FHIT: variants seen among roughly 807,000 people sequenced by gnomAD.
FHIT encodes the protein fragile histidine triad diadenosine triphosphatase.
Under a neutral mutation model 17.9 loss-of-function variants are expected in FHIT, and 19 were observed. The ratio of observed to expected loss-of-function variants is 1.06; its 90% CI spans 0.74 to 1.56. FHIT has a LOEUF of 1.56. Ranked by LOEUF, FHIT falls within the 40% of genes most tolerant of loss-of-function variation. The probability of loss-of-function intolerance (pLI) is 0.00; values close to 1 mark genes in which losing one functional copy is unlikely to be tolerated. For missense variants in FHIT, 248 were observed against 189.2 expected, an observed-to-expected ratio of 1.31 and a Z score of -1.82; for synonymous variants, 81 against 69.7, an observed-to-expected ratio of 1.16 and a Z score of -0.81.
chr3:60,520,395 C>T (rs560593530), intron 5 of FHIT, among the ~76,000 whole-genome samples: 4 of 152,268 alleles, frequency 2.6e-5, no homozygotes, highest in African/African-American at 9.6e-5. Context: ...ATCAGAACTA[C>T]ATTAATGCTC....
At chr3:60,461,551 C>G (rs1255912489) in intron 5 of FHIT, among the ~76,000 whole-genome samples, 1 of 152,198 alleles carries the variant, frequency 6.6e-6, no homozygotes, top group Admixed American at 6.5e-5. Flanking sequence ...TATGCCGAAG[C>G]AGGATCTTCT....
At chr3:60,342,013 T>C (rs377036599) in intron 5 of FHIT, among the ~76,000 whole-genome samples, 3 of 152,248 alleles carry the variant, frequency 2.0e-5, no homozygotes, top group East Asian at 1.9e-4. Context: ...AAAAAAACTC[T>C]CAGCAAAGCA....
At chr3:60,300,359 A>C (rs1175890860) in intron 5 of FHIT, among the ~76,000 whole-genome samples, 2 of 152,160 alleles carry the variant, frequency 1.3e-5, no homozygotes, top group Admixed American at 1.3e-4. Flanking sequence ...ATAGTAAGAG[A>C]ATATTCACAG....
intron 5 of FHIT, among the ~76,000 whole-genome samples, chr3:60,192,119 T>G (rs1032383143): frequency 6.6e-6 from 1 of 151,450 alleles, no homozygotes; most frequent in African/African-American, 2.4e-5. Flanking sequence ...AGCATGGTGG[T>G]GGGTGCCTGT....
Position 60,025,469 on chromosome 3 carries a change from C to CTAAAG in FHIT, c.104-11318_104-11317insCTTTA, listed in dbSNP as rs1218289918. ...ACTTTGGCTTAGAATCTAATATACC[C>CTAAAG]AGTACTAAAGAGTAAGAAAAGAAGT... On this transcript the variant is annotated intron_variant, in intron 5 of 9. Transcript: ENST00000492590. Among the ~76,000 whole-genome samples, 259 of 152,218 alleles carry CTAAAG rather than the reference C, an allele frequency of 1.7e-3. 1 individual carries two copies. The Middle Eastern group carries it at 0.02, about 12-fold the overall frequency.
intron 5 of FHIT, among the ~76,000 whole-genome samples, chr3:60,508,742 G>C (rs2034832484): frequency 6.6e-6 from 1 of 152,072 alleles, no homozygotes; most frequent in Admixed American, 6.6e-5. Flanking sequence ...TGTATATTAT[G>C]AGGGTGTTTT....
At chr3:60,858,501 A>C (rs545098990) in intron 3 of FHIT, among the ~76,000 whole-genome samples, 66 of 152,104 alleles carry the variant, frequency 4.3e-4, no homozygotes, top group African/African-American at 1.5e-3. Flanking sequence ...AAGATTGTGA[A>C]CTCTGTTCAC....
intron 5 of FHIT, among the ~76,000 whole-genome samples, chr3:60,020,824 T>C (rs1700526638): frequency 6.6e-6 from 1 of 152,216 alleles, no homozygotes; most frequent in African/African-American, 2.4e-5. Flanking sequence ...ATTACAGAGC[T>C]TTGAGTCAAA....
chr3:60,336,774 A>G (rs535367094), intron 5 of FHIT, among the ~76,000 whole-genome samples: 3 of 152,268 alleles, frequency 2.0e-5, no homozygotes, highest in Non-Finnish European at 2.9e-5. Flanking sequence ...AACATACAGT[A>G]AGTTAGCAAT....
At chr3:61,187,951 C>T (rs994777007) in intron 2 of FHIT, among the ~76,000 whole-genome samples, 1 of 152,090 alleles carries the variant, frequency 6.6e-6, no homozygotes, top group African/African-American at 2.4e-5. Flanking sequence ...GGGAAATTTA[C>T]AGCACTAAAT....
chr3:60,141,841 A>G (rs1700052278), intron 5 of FHIT, among the ~76,000 whole-genome samples: 3 of 152,216 alleles, frequency 2.0e-5, no homozygotes, highest in African/African-American at 4.8e-5. Flanking sequence ...CAGTTGCGCT[A>G]AACATATCTG....
rs190838489 is a variant in FHIT at position 61,249,083 on chromosome 3, T to C, written c.-213+2218A>G. 2.0e-4 allele frequency among the ~76,000 whole-genome samples: 31 copies of C among 152,314 alleles called. No individual in the cohort carries two copies. The East Asian group carries it at 5.6e-3, about 27-fold the overall frequency. Reference sequence around the variant, plus strand: ...ACCTTACCAATAATAAATAAGATAATTTATAACAATTGGTCCTGGTCTGTG... The same window carrying C: ...ACCTTACCAATAATAAATAAGATAACTTATAACAATTGGTCCTGGTCTGTG... On this transcript the variant is annotated intron_variant, in intron 1 of 9. Transcript: ENST00000492590.
chr3:60,460,103 T>G (rs1426236909), intron 5 of FHIT, among the ~76,000 whole-genome samples: 4 of 152,128 alleles, frequency 2.6e-5, no homozygotes, highest in African/African-American at 9.7e-5. Flanking sequence ...AACTGGCATA[T>G]TCACATATCA....
chr3:60,320,397 A>G (rs1307994578), intron 5 of FHIT, among the ~76,000 whole-genome samples: 1 of 152,226 alleles, frequency 6.6e-6, no homozygotes, highest in Non-Finnish European at 1.5e-5. Flanking sequence ...TAAACCAAAA[A>G]GAAGCAATAG....
chr3:60,702,442 TC>T (rs2041270758), intron 4 of FHIT, among the ~76,000 whole-genome samples: 3 of 152,188 alleles, frequency 2.0e-5, no homozygotes, highest in Non-Finnish European at 2.9e-5. Flanking sequence ...CAGTTTTATC[TC>T]CATAACATTT....
intron 5 of FHIT, among the ~76,000 whole-genome samples, chr3:60,297,490 C>T (rs1708264981): frequency 6.6e-6 from 1 of 151,794 alleles, no homozygotes; most frequent in South Asian, 2.1e-4. Context: ...TATCCTGGGG[C>T]CTTTCTGAAC....
intron 5 of FHIT, among the ~76,000 whole-genome samples, chr3:60,390,103 A>G (rs1484706507): frequency 5.3e-5 from 8 of 152,218 alleles, no homozygotes; most frequent in African/African-American, 1.7e-4. Context: ...AATACCAAAG[A>G]AAGAAAATGA....
chr3:59,944,806 C>T (rs750534330), intron 7 of FHIT, among the ~76,000 whole-genome samples: 1 of 152,118 alleles, frequency 6.6e-6, no homozygotes, highest in Non-Finnish European at 1.5e-5. Flanking sequence ...TGTTAATTTG[C>T]TTAGGATACT....
intron 1 of FHIT, among the ~76,000 whole-genome samples, chr3:61,216,679 A>G (rs1332723625): frequency 6.6e-6 from 1 of 152,232 alleles, no homozygotes; most frequent in African/African-American, 2.4e-5. Flanking sequence ...ATGCTGCTAT[A>G]AAGACACATG....
Sources: gnomAD v4.1 joint callset for allele counts (sites outside exome capture counted in the v4.1 genomes callset) on GRCh38, gnomAD v4.1.1 for gene constraint, MANE v1.5 for transcripts, NCBI Gene and HGNC (gene_info 2026-07-23, HGNC 2026-07-21) for gene names.